The following SLC17A2 variants were observed in gnomAD, a reference collection of about 807,000 sequenced individuals.
SLC17A2 encodes the protein sodium-dependent phosphate transport protein 3.
A neutral mutation model predicts 52.1 loss-of-function variants in SLC17A2; 38 were observed. The observed-to-expected ratio is 0.73, with a 90% CI of 0.56 to 0.96. The LOEUF (loss-of-function observed/expected upper bound fraction) is 0.96, where lower values mean the gene tolerates loss of function less well. Ranked by LOEUF, SLC17A2 falls within the 40% of genes least tolerant of loss-of-function variation. SLC17A2 has a pLI of 0.00. For synonymous variants in SLC17A2, 226 were observed against 211.9 expected (o/e 1.07, Z -0.58); for missense variants, 508 against 583.9 (o/e 0.87, Z 1.34).
Position 25,913,191 on chromosome 6 carries a change from C to G in SLC17A2, c.*126G>C. 9.9e-7 allele frequency: 1 copy of G among 1,012,014 alleles called. No homozygotes were observed. Among genetic ancestry groups the G allele is most frequent in the Non-Finnish European group, 1.5e-6 (1 of 656,642 alleles). The allele number at this position is 1,012,014 out of a possible 1,614,324, so 62.7% of individuals were successfully genotyped here. A position where few individuals can be genotyped will look rare whatever the true frequency, so the allele number is the denominator to read the frequency against. ...GTATCAGTGTCTTATAAAGGCTCCCCAGGGAAGACTAACACACAGCCAGAG... is the reference window on the plus strand; with the variant it reads ...GTATCAGTGTCTTATAAAGGCTCCCGAGGGAAGACTAACACACAGCCAGAG... On this transcript the variant is annotated 3_prime_UTR_variant, in exon 12 of 12. Transcript: ENST00000377850.
intron 10 of SLC17A2, among the ~76,000 whole-genome samples, chr6:25,915,061 T>C (rs1382118598): frequency 6.7e-6 from 1 of 150,062 alleles, no homozygotes; most frequent in Non-Finnish European, 1.5e-5. Context: ...AAAATGGGGA[T>C]AACAATAGGG....
At chr6:25,918,658 G>A (rs1338441010) in intron 5 of SLC17A2, 85 bp from the exon 6 acceptor site, 1 of 816,018 alleles carries the variant, frequency 1.2e-6, no homozygotes, top group Non-Finnish European at 2.1e-6. Context: ...CCAACAGTGA[G>A]GTGGCAGACT....
At chr6:25,923,614 A>G (rs1278265485) in intron 3 of SLC17A2, 81 bp downstream of exon 3, 3 of 1,059,666 alleles carry the variant, frequency 2.8e-6, no homozygotes, top group Non-Finnish European at 1.5e-6. Flanking sequence ...GTATACTTCC[A>G]TACTCCACAG....
Position 25,923,574 on chromosome 6 carries a change from T to A in SLC17A2, c.240+121A>T, listed in dbSNP as rs1766637287. 5.4e-6 allele frequency: 4 copies of A among 743,248 alleles called. No individual in the cohort carries two copies. In the South Asian group the frequency reaches 6.8e-5, roughly 13 times the overall value. 46.0% of individuals were successfully genotyped at this position (743,248 alleles called of 1,614,324 possible). A position where few individuals can be genotyped will look rare whatever the true frequency, so the allele number is the denominator to read the frequency against. On this transcript the variant is annotated intron_variant, in intron 3 of 11. Transcript: ENST00000377850. Reference sequence around the variant, plus strand: ...AAGCAATGTCTCAAAGAAAAATAGTTCCAGTCAGTTTTAATTTGTCATTGG... The same window carrying A: ...AAGCAATGTCTCAAAGAAAAATAGTACCAGTCAGTTTTAATTTGTCATTGG...
At chr6:25,920,948 A>T (rs1766528330) in intron 5 of SLC17A2, 58 bp downstream of exon 5, 1 of 1,486,604 alleles carries the variant, frequency 6.7e-7, no homozygotes, top group Non-Finnish European at 9.4e-7. Flanking sequence ...TTCATAGAAG[A>T]TAAGACACAG....
chr6:25,914,513 A>G, intron 11 of SLC17A2, 67 bp downstream of exon 11: 2 of 969,992 alleles, frequency 2.1e-6, no homozygotes, highest in South Asian at 2.6e-5. Flanking sequence ...TCTTTAGAGC[A>G]CCGTGTGTAT....
rs1436304879 is a variant in SLC17A2 at position 25,921,244 on chromosome 6, G to C, written c.409C>G (p.Pro137Ala). 6.2e-7 allele frequency: 1 copy of C among 1,614,166 alleles called. No homozygotes were observed. The highest frequency in any genetic ancestry group is 8.5e-7 in the Non-Finnish European group (1 of 1,180,040). Residue 137 changes from proline (P) to alanine (A), a missense_variant, in exon 4 of 12, where the codon CCA (proline) becomes GCA (alanine). Pro to Ala is a conservative substitution (Grantham distance 27, BLOSUM62 -1). Transcript: ENST00000377850. ...ATCACTCCGAAGTCAGCAGCCAGTG[G>C]TGTAAAGAGGGTGAGAAGGGAAGAG... The part of the protein sequence containing the change: ...LISSLLTLFT[P>A]LAADFGVILV...
chr6:25,917,922 A>T (rs917356069), intron 6 of SLC17A2, among the ~76,000 whole-genome samples: 2 of 152,238 alleles, frequency 1.3e-5, no homozygotes, highest in Admixed American at 1.3e-4. Context: ...GTGGAAAGAA[A>T]AGGAGAAATA....
chr6:25,913,797 T>A (rs1477992767), intron 11 of SLC17A2, among the ~76,000 whole-genome samples: 1 of 149,768 alleles, frequency 6.7e-6, no homozygotes, highest in African/African-American at 2.5e-5. Context: ...TTGTTGTTGC[T>A]GTTTGTTTTG....
chr6:25,914,513 A>C (rs775584034), intron 11 of SLC17A2, 67 bp downstream of exon 11: 1 of 969,874 alleles, frequency 1.0e-6, no homozygotes, highest in African/African-American at 1.6e-5. Flanking sequence ...TCTTTAGAGC[A>C]CCGTGTGTAT....
At chr6:25,924,742 G>A (rs559507946) in intron 2 of SLC17A2, among the ~76,000 whole-genome samples, 1 of 151,568 alleles carries the variant, frequency 6.6e-6, no homozygotes, top group East Asian at 1.9e-4. Flanking sequence ...CCAGGAGGCA[G>A]AGGTTGCAAT....
intron 3 of SLC17A2, among the ~76,000 whole-genome samples, chr6:25,921,904 G>A (rs1452198584): frequency 6.6e-6 from 1 of 151,760 alleles, no homozygotes; most frequent in African/African-American, 2.4e-5. Flanking sequence ...AAATGAATAA[G>A]ATCACATTCT....
At chr6:25,916,576 G>T in intron 8 of SLC17A2, 109 bp downstream of exon 8, 1 of 890,128 alleles carries the variant, frequency 1.1e-6, no homozygotes, top group Non-Finnish European at 1.8e-6. Context: ...AGGTCATTGT[G>T]AAGGTTAAAT....
intron 10 of SLC17A2, among the ~76,000 whole-genome samples, chr6:25,915,149 G>GTGTATATATATATA (rs749697702): frequency 6.4e-4 from 37 of 57,896 alleles, no homozygotes; most frequent in Non-Finnish European, 8.9e-4. Context: ...TATTGTGACT[G>GTGTATATATATATA]TATATATATA....
intron 1 of SLC17A2, among the ~76,000 whole-genome samples, chr6:25,929,059 T>G (rs367884275): frequency 1.3e-5 from 2 of 152,330 alleles, no homozygotes; most frequent in African/African-American, 4.8e-5. Flanking sequence ...TTTATTATAA[T>G]GGTCGTTAGA....
Position 25,921,341 on chromosome 6 carries a change from C to A in SLC17A2, c.312G>T (p.Leu104=), listed in dbSNP as rs1379358639. ...IFSSINYGII[L]TLIPSGYLAG... ...CTAAATATCCACTTGGGATCAGAGTCAGTATTATCCCATAGTTGATGGAGC... is the reference window on the plus strand; with the variant it reads ...CTAAATATCCACTTGGGATCAGAGTAAGTATTATCCCATAGTTGATGGAGC... Residue 104 remains leucine (L), a synonymous_variant, in exon 4 of 12, where the codon CTG becomes CTT. Transcript: ENST00000377850. 1 of 1,614,094 alleles carries A rather than the reference C, an allele frequency of 6.2e-7. No individual in the cohort carries two copies. The highest frequency in any genetic ancestry group is 8.5e-7 in the Non-Finnish European group (1 of 1,179,996).
intron 8 of SLC17A2, 140 bp from the exon 9 acceptor site, chr6:25,916,008 A>G (rs1048497106): frequency 1.8e-5 from 12 of 684,662 alleles, no homozygotes; most frequent in African/African-American, 3.6e-5. Context: ...TTTCACACTA[A>G]AAGAACACTG....
chr6:25,921,906 T>C (rs891010940), intron 3 of SLC17A2, among the ~76,000 whole-genome samples: 4 of 151,998 alleles, frequency 2.6e-5, no homozygotes, highest in African/African-American at 9.7e-5. Flanking sequence ...ATGAATAAGA[T>C]CACATTCTTC....
At position 25,914,648 on chromosome 6, in the gene SLC17A2, T is replaced by A; in HGVS notation, c.1234A>T (p.Ile412Phe). The change falls in exon 11 of 12, where the codon ATC becomes TTC. Residue 412 changes from isoleucine (I) to phenylalanine (F), a missense_variant. Coordinates refer to ENST00000377850, the MANE Select transcript of SLC17A2 (RefSeq NM_001286123.3). Reference protein sequence around the residue: ...APRYASFLMGISRGFGLIAGI... With the variant: ...APRYASFLMGFSRGFGLIAGI... ...GCGATGAGCCCAAATCCCCTTGAGA[T>A]TCCCATGAGGAAACTTGCATATCTG... 1 of 1,610,938 alleles carries A rather than the reference T, an allele frequency of 6.2e-7. No homozygotes were observed. Among genetic ancestry groups the A allele is most frequent in the Non-Finnish European group, 8.5e-7 (1 of 1,177,144 alleles).
Sources: allele counts gnomAD v4.1 joint callset (sites outside exome capture counted in the v4.1 genomes callset), GRCh38; gene constraint gnomAD v4.1.1; transcripts MANE v1.5; gene names NCBI Gene and HGNC (gene_info 2026-07-23, HGNC 2026-07-21).